SPECC1: variants seen among roughly 807,000 people sequenced by gnomAD.
The protein encoded by SPECC1 is cytospin-B.
Under a neutral mutation model 104.1 loss-of-function variants are expected in SPECC1, and 62 were observed. The ratio of observed to expected loss-of-function variants is 0.60; its 90% CI spans 0.49 to 0.74. SPECC1 has a LOEUF of 0.74. SPECC1 is among the 30% of genes least tolerant of loss of function. The pLI is 0.00. For missense variants in SPECC1, 1,306 were observed against 1,310.5 expected (o/e 1.00, Z 0.05); for synonymous variants, 513 against 501.6 (o/e 1.02, Z -0.30).
intron 1 of SPECC1, among the ~76,000 whole-genome samples, chr17:20,086,033 C>T (rs2047164442): frequency 6.6e-6 from 1 of 152,092 alleles, no homozygotes; most frequent in Admixed American, 6.5e-5. Context: ...GCTAATGTGC[C>T]ATCTCTCTCT....
chr17:20,150,141 T>G (rs940387087), intron 3 of SPECC1, among the ~76,000 whole-genome samples: 14 of 151,038 alleles, frequency 9.3e-5, no homozygotes, highest in Admixed American at 6.6e-5. Context: ...CCCGGCTAAT[T>G]TTTTTGTATT....
At chr17:20,285,879 C>T (rs1472007466) in intron 12 of SPECC1, among the ~76,000 whole-genome samples, 1 of 147,450 alleles carries the variant, frequency 6.8e-6, no homozygotes, top group Non-Finnish European at 1.5e-5. Context: ...GTGATTTGAT[C>T]ATGGCTCACT....
intron 12 of SPECC1, among the ~76,000 whole-genome samples, chr17:20,260,803 T>C (rs959188506): frequency 1.3e-5 from 2 of 152,036 alleles, no homozygotes; most frequent in Admixed American, 6.5e-5. Context: ...ACATAGAGAA[T>C]GTGGGCTGGG....
chr17:20,084,585 A>T (rs529234412), intron 1 of SPECC1, among the ~76,000 whole-genome samples: 1 of 152,226 alleles, frequency 6.6e-6, no homozygotes, highest in East Asian at 1.9e-4. Flanking sequence ...ATGTCTTTTG[A>T]AGACCATAAG....
rs959911373 is a variant in SPECC1 at position 20,035,839 on chromosome 17, C to CT, written c.-22+26426dup. Among the ~76,000 whole-genome samples the CT allele has an allele frequency of 6.2e-3, 907 of 146,752 alleles. 5 individuals are homozygous for CT. Among genetic ancestry groups the CT allele is most frequent in the African/African-American group, 0.019 (772 of 40,184 alleles). ...GTGTTTTTAAAATTAGGTTATTTTGCTTTTTTTTTTTGAGACGGAGTCTCG... is the reference window on the plus strand; with the variant it reads ...GTGTTTTTAAAATTAGGTTATTTTGCTTTTTTTTTTTTGAGACGGAGTCTCG... On this transcript the variant is annotated intron_variant, in intron 1 of 14. Transcript: ENST00000395527.
At chr17:20,206,483 T>G (rs2036788825) in intron 4 of SPECC1, among the ~76,000 whole-genome samples, 1 of 152,246 alleles carries the variant, frequency 6.6e-6, no homozygotes, top group Admixed American at 6.5e-5. Flanking sequence ...TTATTAACTT[T>G]TTTTGCATTT....
At chr17:20,173,613 G>C (rs2034250581) in intron 3 of SPECC1, among the ~76,000 whole-genome samples, 1 of 152,312 alleles carries the variant, frequency 6.6e-6, no homozygotes, top group African/African-American at 2.4e-5. Context: ...ATTGGAGAGT[G>C]TGTAGACTGC....
chr17:20,051,078 TTCTTTCTTTC>T (rs1237734795), intron 1 of SPECC1, among the ~76,000 whole-genome samples: 6 of 62,258 alleles, frequency 9.6e-5, no homozygotes, highest in African/African-American at 1.4e-4. Context: ...TTTTCTTTCT[TTCTTTCTTTC>T]TTTCTTTCTT....
Position 20,318,387 on chromosome 17 carries a change from GTT to G in SPECC1, c.*4326_*4327del, listed in dbSNP as rs1284101118. 1 of 231,444 alleles carries G rather than the reference GTT, an allele frequency of 4.3e-6. No homozygotes were observed. The highest frequency in any genetic ancestry group is 8.5e-6 in the Non-Finnish European group (1 of 116,968). 14.3% of individuals were successfully genotyped at this position (231,444 alleles called of 1,614,324 possible). A position where few individuals can be genotyped will look rare whatever the true frequency, so the allele number is the denominator to read the frequency against. On this transcript the variant is annotated 3_prime_UTR_variant, in exon 15 of 15. Coordinates refer to ENST00000395527, the MANE Select transcript of SPECC1 (RefSeq NM_001243439.2). ...GTCTTTTATTTTCCTTTTTCATTCA[GTT>G]TTTGTTTTACAGCTTTTGTAGAGAC... is the stretch of plus-strand genomic sequence containing the variant.
intron 12 of SPECC1, among the ~76,000 whole-genome samples, chr17:20,290,858 G>A (rs370649446): frequency 4.4e-4 from 67 of 152,332 alleles, no homozygotes; most frequent in African/African-American, 1.5e-3. Context: ...CTTCTTGGTT[G>A]TGGGAGATGG....
At chr17:20,218,763 C>T (rs1341517220) in intron 4 of SPECC1, among the ~76,000 whole-genome samples, 2 of 152,156 alleles carry the variant, frequency 1.3e-5, no homozygotes, top group Non-Finnish European at 2.9e-5. Context: ...GTTTTATTAA[C>T]TATATTGTAT....
chr17:20,235,032 A>G (rs1187169563), intron 7 of SPECC1, among the ~76,000 whole-genome samples: 2 of 152,238 alleles, frequency 1.3e-5, no homozygotes, highest in African/African-American at 4.8e-5. Flanking sequence ...TTTGCAGCCA[A>G]CCAGTAACAT....
In SPECC1 at chr17:20,155,989, G is replaced by A. The variant is rs1467076124; in HGVS notation, c.283+45427G>A. ...GGGGGCGGGCCGCGAGGGCGGGCTT[G>A]ATGCAGATGAGGGGGCGGGGCCCAC... On this transcript the variant is annotated intron_variant, in intron 3 of 14. Coordinates refer to ENST00000395527, the MANE Select transcript of SPECC1 (RefSeq NM_001243439.2). The A allele has an allele frequency of 5.5e-6, 7 of 1,272,956 alleles. No individual in the cohort carries two copies. The South Asian group carries it at 1.8e-4, about 32-fold the overall frequency. 78.9% of individuals were successfully genotyped at this position (1,272,956 alleles called of 1,614,324 possible).
intron 13 of SPECC1, among the ~76,000 whole-genome samples, chr17:20,302,878 TAAAAAAAAA>T (rs35060925): frequency 4.8e-5 from 3 of 61,872 alleles, no homozygotes; most frequent in African/African-American, 2.0e-4. Context: ...TGAGCCCATC[TAAAAAAAAA>T]AAAAAAAAAA....
At chr17:20,236,815 A>G (rs374437975) in intron 7 of SPECC1, 1 of 1,612,720 alleles carries the variant, frequency 6.2e-7, no homozygotes, top group South Asian at 1.1e-5. Flanking sequence ...GTATTGCCTT[A>G]GGTAACTCCT....
At chr17:20,250,851 C>T (rs1167387618) in intron 9 of SPECC1, among the ~76,000 whole-genome samples, 4 of 148,708 alleles carry the variant, frequency 2.7e-5, no homozygotes, top group African/African-American at 7.6e-5. Flanking sequence ...AAGATCATGT[C>T]ATGTTGGGTT....
At chr17:20,023,894 G>A (rs1242568301) in intron 1 of SPECC1, among the ~76,000 whole-genome samples, 1 of 151,876 alleles carries the variant, frequency 6.6e-6, no homozygotes, top group Non-Finnish European at 1.5e-5. Flanking sequence ...GATACTGGGG[G>A]TTGGAAATTT....
chr17:20,207,429 T>A (rs1055880072), intron 4 of SPECC1, among the ~76,000 whole-genome samples: 4 of 152,222 alleles, frequency 2.6e-5, no homozygotes, highest in African/African-American at 9.6e-5. Context: ...GTAAGATTAT[T>A]CTTTTTTTAC....
chr17:20,217,609 T>A, intron 4 of SPECC1, among the ~76,000 whole-genome samples: 1 of 152,188 alleles, frequency 6.6e-6, no homozygotes, highest in East Asian at 1.9e-4. Context: ...GCCTGAGGAC[T>A]CTACAACATG....
Sources: gnomAD v4.1 joint callset for allele counts (sites outside exome capture counted in the v4.1 genomes callset) on GRCh38, gnomAD v4.1.1 for gene constraint, MANE v1.5 for transcripts, NCBI Gene and HGNC (gene_info 2026-07-23, HGNC 2026-07-21) for gene names.